The following OSBPL8 variants were observed in gnomAD, a reference collection of about 807,000 sequenced individuals.
OSBPL8 encodes the protein oxysterol-binding protein-related protein 8.
Under a neutral mutation model 125.5 loss-of-function variants are expected in OSBPL8, and 59 were observed. The observed-to-expected ratio is 0.47, with a 90% confidence interval of 0.38 to 0.58. The LOEUF (loss-of-function observed/expected upper bound fraction) is 0.58, where lower values mean the gene tolerates loss of function less well. OSBPL8 is among the 20% of genes least tolerant of loss of function. The pLI is 0.00. For synonymous variants in OSBPL8, 330 were observed against 338.9 expected, an observed-to-expected ratio of 0.97 and a Z score of 0.29; for missense variants, 758 against 1,047.8, an observed-to-expected ratio of 0.72 and a Z score of 3.82.
In OSBPL8 at chr12:76,487,637, A is replaced by G. The variant is rs2137031369; in HGVS notation, c.-67-19T>C. ...GCAAATCCTAAAATAAGAAAATGAT[A>G]TTTATTAGGACTGGTATAAAACTGT... is the stretch of plus-strand genomic sequence containing the variant. On this transcript the variant is annotated intron_variant, in intron 1 of 23. Coordinates refer to ENST00000261183, the MANE Select transcript of OSBPL8 (RefSeq NM_020841.5). The G allele has an allele frequency of 1.8e-6, 2 of 1,106,466 alleles. No homozygotes were observed. The highest frequency in any genetic ancestry group is 3.3e-5 in the South Asian group (2 of 59,962). 68.5% of individuals were successfully genotyped at this position (1,106,466 alleles called of 1,614,324 possible). A position where few individuals can be genotyped will look rare whatever the true frequency, so the allele number is the denominator to read the frequency against.
In OSBPL8 at chr12:76,450,927, T is replaced by C. The variant is rs377554346; in HGVS notation, c.141A>G (p.Gln47=). ...TTGGCGTTGGATAAGCTTCTTTTCC[T>C]TGGCGCTGACTCATCTTTCCTGGTG... ...LLTPGKMSQR[Q]GKEAYPTPTK... The change falls in exon 4 of 24, where the codon CAA becomes CAG. Residue 47 remains glutamine, a synonymous_variant. Coordinates refer to ENST00000261183, the MANE Select transcript of OSBPL8 (RefSeq NM_020841.5). 19 of 1,614,100 alleles carry C rather than the reference T, an allele frequency of 1.2e-5. 2 individuals carry two copies. The African/African-American group carries it at 1.2e-4, about 10-fold the overall frequency.
At position 76,375,235 on chromosome 12, in the gene OSBPL8, C is replaced by A. The variant is rs754918476; in HGVS notation, c.1827+38G>T. ...TATTCAATATTTATTGTATGGCTCTCCTTTAGCTAGGTGATACCTACTGTA... is the reference window on the plus strand; with the variant it reads ...TATTCAATATTTATTGTATGGCTCTACTTTAGCTAGGTGATACCTACTGTA... On this transcript the variant is annotated intron_variant, in intron 17 of 23. Coordinates refer to ENST00000261183, the MANE Select transcript of OSBPL8 (RefSeq NM_020841.5). 2.1e-5 allele frequency: 29 copies of A among 1,373,620 alleles called. 1 individual carries two copies. The African/African-American group carries it at 4.2e-4, about 20-fold the overall frequency. The allele number at this position is 1,373,620 out of a possible 1,614,324, so 85.1% of individuals were successfully genotyped here. A position where few individuals can be genotyped will look rare whatever the true frequency, so the allele number is the denominator to read the frequency against.
At chr12:76,559,193 C>A (rs563330164) in intron 1 of OSBPL8, among the ~76,000 whole-genome samples, 2 of 152,322 alleles carry the variant, frequency 1.3e-5, no homozygotes, top group African/African-American at 2.4e-5. Context: ...GCAGATGCAC[C>A]TACTGTGGGC....
rs748049144 is a variant in OSBPL8, at chr12:76,399,934, G to A, written c.407C>T (p.Thr136Ile). The change falls in exon 7 of 24, where the codon ACA becomes ATA. Residue 136 changes from threonine to isoleucine, a missense_variant. Physicochemically the swap from Thr to Ile is moderately conservative, Grantham distance 89. Transcript: ENST00000261183. Reference protein sequence around the residue: ...KNYREEKKRATKELLSTITDP... With the variant: ...KNYREEKKRAIKELLSTITDP... ...TGTGATTGTACTGAGCAGCTCCTTT[G>A]TGGCTCTTTTCTTTTCTTCTCGGTA... 9.3e-6 allele frequency: 15 copies of A among 1,607,558 alleles called. No homozygotes were observed. Among genetic ancestry groups the A allele is most frequent in the Non-Finnish European group, 1.3e-5 (15 of 1,178,434 alleles).
At position 76,392,618 on chromosome 12, in the gene OSBPL8, G is replaced by C; in HGVS notation, c.892C>G (p.Leu298Val). Residue 298 changes from leucine (L) to valine (V), a missense_variant, in exon 10 of 24, where the codon CTA becomes GTA. Transcript: ENST00000261183. ...CCACTGTGGAGATTGTTAGCACGTA[G>C]TAAGCCATAGAAAGTCACATGTGTG... ...DSTHVTFYGLLRANNLHSGDN... is the reference protein window; with the variant it reads ...DSTHVTFYGLVRANNLHSGDN... 1 of 1,613,836 alleles carries C rather than the reference G, an allele frequency of 6.2e-7. No individual in the cohort carries two copies. Among genetic ancestry groups the C allele is most frequent in the Non-Finnish European group, 8.5e-7 (1 of 1,179,764 alleles).
chr12:76,508,103 G>A (rs1467635455), intron 1 of OSBPL8, among the ~76,000 whole-genome samples: 4 of 149,616 alleles, frequency 2.7e-5, no homozygotes, highest in African/African-American at 4.9e-5. Context: ...CCTGGGAGGC[G>A]GAGGTTGCAG....
In OSBPL8 at chr12:76,406,608, T is replaced by C. The variant is rs570074130; in HGVS notation, c.289-3842A>G. ...ATGAAAAAGCCTAGGAAAAGGTGCA[T>C]GAGAAAGAGGAACTGCCTTATTTTT... On this transcript the variant is annotated intron_variant, in intron 5 of 23. Transcript: ENST00000261183. Among the ~76,000 whole-genome samples, 3 of 152,252 alleles carry C rather than the reference T, an allele frequency of 2.0e-5. No individual in the cohort carries two copies. In the South Asian group the frequency reaches 6.2e-4, roughly 32 times the overall value.
intron 5 of OSBPL8, 117 bp downstream of exon 5, chr12:76,410,447 T>A: frequency 2.8e-6 from 2 of 719,788 alleles, no homozygotes; most frequent in Non-Finnish European, 4.8e-6. Context: ...CACTACATGG[T>A]TCAGATGTAT....
In OSBPL8 at chr12:76,356,257, A is replaced by G. The variant is rs1951982723; in HGVS notation, c.2538-236T>C. Among the ~76,000 whole-genome samples, 3 of 152,154 alleles carry G rather than the reference A, an allele frequency of 2.0e-5. No individual in the cohort carries two copies. The South Asian group carries it at 6.2e-4, about 32-fold the overall frequency. ...GTTATGGATGTATTTCAATATTTCA[A>G]CTGATGCATTCCAATGAAATAACAG... On this transcript the variant is annotated intron_variant, in intron 23 of 23. Coordinates refer to ENST00000261183, the MANE Select transcript of OSBPL8 (RefSeq NM_020841.5).
At chr12:76,394,621 C>G (rs2136314819) in intron 9 of OSBPL8, 24 bp downstream of exon 9, 6 of 1,576,360 alleles carry the variant, frequency 3.8e-6, no homozygotes, top group Middle Eastern at 3.3e-4. Flanking sequence ...GACCAAAATC[C>G]AATCCATCAA....
At chr12:76,390,315 T>C (rs1001149319) in intron 11 of OSBPL8, 105 bp downstream of exon 11, 2 of 835,900 alleles carry the variant, frequency 2.4e-6, no homozygotes, top group Non-Finnish European at 1.9e-6. Context: ...TCACATTCTA[T>C]CACAGAAAAA....
intron 19 of OSBPL8, among the ~76,000 whole-genome samples, chr12:76,370,503 C>T (rs1215673654): frequency 1.3e-5 from 2 of 152,158 alleles, no homozygotes; most frequent in Non-Finnish European, 2.9e-5. Flanking sequence ...ATCAGATAGA[C>T]ATGAGTCAAG....
chr12:76,541,564 T>C (rs577162713), intron 1 of OSBPL8, among the ~76,000 whole-genome samples: 1 of 152,270 alleles, frequency 6.6e-6, no homozygotes, highest in African/African-American at 2.4e-5. Flanking sequence ...ACATTAAAAA[T>C]AGGCCATAGG....
intron 4 of OSBPL8, among the ~76,000 whole-genome samples, chr12:76,412,672 G>T (rs1046670960): frequency 6.6e-6 from 1 of 151,958 alleles, no homozygotes; most frequent in Non-Finnish European, 1.5e-5. Context: ...TATGCTATAG[G>T]TTTCATTTTT....
intron 18 of OSBPL8, chr12:76,371,806 G>T: frequency 3.0e-6 from 1 of 333,806 alleles, no homozygotes; most frequent in Non-Finnish European, 5.1e-6. Flanking sequence ...AAAAGAATTT[G>T]GTTGAATATC....
chr12:76,446,370 T>C (rs569940173), intron 4 of OSBPL8, among the ~76,000 whole-genome samples: 2 of 152,250 alleles, frequency 1.3e-5, no homozygotes, highest in Admixed American at 6.5e-5. Flanking sequence ...AACTGTGATA[T>C]GGAATTTCAG....
At chr12:76,356,751 G>A (rs748751443) in intron 22 of OSBPL8, 23 bp from the exon 23 acceptor site, 2 of 1,459,080 alleles carry the variant, frequency 1.4e-6, no homozygotes, top group Non-Finnish European at 1.9e-6. Flanking sequence ...TTAGAATGAA[G>A]TTGAAACTAT....
At chr12:76,435,649 T>C (rs1004592554) in intron 4 of OSBPL8, among the ~76,000 whole-genome samples, 1 of 152,098 alleles carries the variant, frequency 6.6e-6, no homozygotes, top group Non-Finnish European at 1.5e-5. Context: ...ATATATATTA[T>C]TGATATTTGT....
At chr12:76,392,475 C>T in intron 10 of OSBPL8, 106 bp downstream of exon 10, 4 of 1,019,354 alleles carry the variant, frequency 3.9e-6, no homozygotes, top group Non-Finnish European at 5.5e-6. Context: ...GGAAGATATG[C>T]AAATTTCAGT....
Sources: gnomAD v4.1 joint callset for allele counts (sites outside exome capture counted in the v4.1 genomes callset) on GRCh38, gnomAD v4.1.1 for gene constraint, MANE v1.5 for transcripts, NCBI Gene and HGNC (gene_info 2026-07-23, HGNC 2026-07-21) for gene names.